PPP1R36: variants seen among roughly 807,000 people sequenced by gnomAD.
PPP1R36 encodes protein phosphatase 1 regulatory subunit 36.
PPP1R36 carries 47 observed loss-of-function variants against 53.4 expected under a neutral mutation model. The ratio of observed to expected loss-of-function variants is 0.88; its 90% CI spans 0.70 to 1.12. The LOEUF (loss-of-function observed/expected upper bound fraction) is 1.12, where lower values mean the gene tolerates loss of function less well. PPP1R36 is among the 50% of genes most tolerant of loss of function. PPP1R36 has a pLI of 0.00. For missense variants in PPP1R36, 456 were observed against 513.9 expected, an observed-to-expected ratio of 0.89 and a Z score of 1.09; for synonymous variants, 153 against 170.5, an observed-to-expected ratio of 0.90 and a Z score of 0.80.
intron 6 of PPP1R36, 98 bp downstream of exon 6, chr14:64,565,790 C>G: frequency 1.1e-6 from 1 of 934,848 alleles, no homozygotes; most frequent in Non-Finnish European, 1.7e-6. Flanking sequence ...AGAGGAAGAG[C>G]GTGAGGCTGG....
At chr14:64,569,236 G>A (rs970218584) in intron 7 of PPP1R36, among the ~76,000 whole-genome samples, 9 of 152,154 alleles carry the variant, frequency 5.9e-5, no homozygotes, top group African/African-American at 2.2e-4. Context: ...GTGACCTTTT[G>A]CAAGCCATGG....
intron 8 of PPP1R36, among the ~76,000 whole-genome samples, chr14:64,578,439 T>C (rs1034328244): frequency 1.3e-5 from 2 of 152,142 alleles, no homozygotes; most frequent in Non-Finnish European, 2.9e-5. Context: ...AAAATCAGAG[T>C]ACATCATAAA....
chr14:64,563,468 G>C (rs35480008), intron 3 of PPP1R36, among the ~76,000 whole-genome samples: 32,725 of 140,546 alleles, frequency 0.23, 4,193 homozygotes, highest in Non-Finnish European at 0.31. Flanking sequence ...AAAAAAAAAA[G>C]AAAGAAAAGA....
In PPP1R36 at chr14:64,587,244, A is replaced by C. The variant is rs2080440705; in HGVS notation, c.762A>C (p.Gln254His). 6.2e-7 allele frequency: 1 copy of C among 1,613,560 alleles called. No homozygotes were observed. The highest frequency in any genetic ancestry group is 1.3e-5 in the African/African-American group (1 of 74,886). The stretch of plus-strand genomic sequence containing the variant: ...TGGCTTGGATTGTCTTCCGACGTCA[A>C]CACTTGACAGAGATTGAAGAAGAAG... ...TYVAWIVFRR[Q>H]HLTEIEEEVG... The change falls in exon 10 of 12, where the codon CAA becomes CAC. Residue 254 changes from glutamine to histidine, a missense_variant. By Grantham distance (24) the Gln-to-His change is conservative. Coordinates refer to ENST00000298705, the MANE Select transcript of PPP1R36 (RefSeq NM_172365.3).
At chr14:64,588,714 C>T in intron 11 of PPP1R36, 1 of 183,900 alleles carries the variant, frequency 5.4e-6, no homozygotes, top group East Asian at 1.5e-4. Context: ...GCATGAGCCA[C>T]CACGCCCGGC....
At position 64,581,766 on chromosome 14, in the gene PPP1R36, G is replaced by A. The variant is rs866345950; in HGVS notation, c.669-5071G>A. Among the ~76,000 whole-genome samples the A allele has an allele frequency of 9.7e-4, 148 of 152,312 alleles. 1 individual carries two copies. The highest frequency in any genetic ancestry group is 3.4e-3 in the African/African-American group (143 of 41,568). ...GATTTTAGTAGAACCAGCAGTTTGG[G>A]TGCTGTTAATTTAGTGCTTTCATGT... On this transcript the variant is annotated intron_variant, in intron 8 of 11. Coordinates refer to ENST00000298705, the MANE Select transcript of PPP1R36 (RefSeq NM_172365.3).
At chr14:64,563,245 C>T (rs1467904941) in intron 3 of PPP1R36, among the ~76,000 whole-genome samples, 4 of 152,086 alleles carry the variant, frequency 2.6e-5, no homozygotes, top group Non-Finnish European at 4.4e-5. Flanking sequence ...GATCTCAGCT[C>T]ACTGCAGTCT....
chr14:64,573,621 A>G (rs1455171681), intron 7 of PPP1R36, among the ~76,000 whole-genome samples: 1 of 152,154 alleles, frequency 6.6e-6, no homozygotes, highest in Non-Finnish European at 1.5e-5. Context: ...CTATTAAAAA[A>G]GCGAAAATAG....
At chr14:64,571,291 A>G (rs2080301508) in intron 7 of PPP1R36, among the ~76,000 whole-genome samples, 1 of 151,814 alleles carries the variant, frequency 6.6e-6, no homozygotes, top group Non-Finnish European at 1.5e-5. Context: ...ATGCCTGGCT[A>G]ATTTTTTATA....
intron 8 of PPP1R36, among the ~76,000 whole-genome samples, chr14:64,583,306 TAGAC>T (rs2080404527): frequency 2.0e-5 from 3 of 152,016 alleles, no homozygotes; most frequent in Non-Finnish European, 4.4e-5. Context: ...AATACCAAAA[TAGAC>T]AGGAAAACGA....
chr14:64,589,166 G>A lies in PPP1R36; in HGVS notation c.1097G>A (p.Gly366Glu), dbSNP rs757489365. The change falls in exon 12 of 12, where the codon GGG becomes GAG. Residue 366 changes from glycine (G) to glutamate (E), a missense_variant. Gly to Glu is a moderately conservative substitution (Grantham distance 98). Coordinates refer to ENST00000298705, the MANE Select transcript of PPP1R36 (RefSeq NM_172365.3). ...TCTTTTCACAGAGTTGGCATCTTGG[G>A]GGAGCCTCGATGTCTATTCAACCCA... ...SVPMPVVGILGEPRCLFNPHT... is the reference protein window; with the variant it reads ...SVPMPVVGILEEPRCLFNPHT... 11 of 1,610,608 alleles carry A rather than the reference G, an allele frequency of 6.8e-6. No homozygotes were observed. The highest frequency in any genetic ancestry group is 1.7e-5 in the Admixed American group (1 of 58,878).
intron 8 of PPP1R36, among the ~76,000 whole-genome samples, chr14:64,584,236 A>T (rs1172608850): frequency 6.6e-6 from 1 of 152,170 alleles, no homozygotes; most frequent in Admixed American, 6.5e-5. Context: ...AAAAGAACCC[A>T]GAAAGAAAAG....
chr14:64,555,798 C>T (rs1273263966), intron 3 of PPP1R36, among the ~76,000 whole-genome samples: 1 of 152,152 alleles, frequency 6.6e-6, no homozygotes, highest in Non-Finnish European at 1.5e-5. Flanking sequence ...TAACTGTTAA[C>T]ATCTTGTGGT....
At chr14:64,582,932 C>T (rs371705270) in intron 8 of PPP1R36, among the ~76,000 whole-genome samples, 3 of 150,370 alleles carry the variant, frequency 2.0e-5, no homozygotes, top group East Asian at 3.9e-4. Context: ...CACTTTGCCA[C>T]CCAGGCTAGA....
intron 3 of PPP1R36, among the ~76,000 whole-genome samples, chr14:64,556,658 C>T (rs962125626): frequency 6.8e-5 from 10 of 147,600 alleles, no homozygotes; most frequent in African/African-American, 2.3e-4. Flanking sequence ...CCTGTAGTCC[C>T]AGCTACTTGG....
intron 3 of PPP1R36, among the ~76,000 whole-genome samples, chr14:64,554,155 T>TG (rs1475139893): frequency 2.1e-5 from 3 of 143,748 alleles, no homozygotes; most frequent in African/African-American, 7.9e-5. Context: ...TTTTTTTTTT[T>TG]TTTTTTTTTT....
chr14:64,558,640 T>TC (rs533592759), intron 3 of PPP1R36, among the ~76,000 whole-genome samples: 1 of 94,576 alleles, frequency 1.1e-5, no homozygotes, highest in African/African-American at 3.4e-5. Context: ...TTGTTTTGTC[T>TC]TTTTTTTTTT....
chr14:64,550,390 C>A, intron 1 of PPP1R36: 1 of 725,066 alleles, frequency 1.4e-6, no homozygotes, highest in Non-Finnish European at 1.9e-6. Flanking sequence ...GATAGAAAGG[C>A]TGGTGGGTGC....
intron 7 of PPP1R36, among the ~76,000 whole-genome samples, 159 bp from the exon 8 acceptor site, chr14:64,574,296 A>G (rs2080325845): frequency 6.6e-6 from 1 of 152,220 alleles, no homozygotes; most frequent in Non-Finnish European, 1.5e-5. Context: ...TTGAGGCTGC[A>G]GTGAGCTGTG....
Sources: allele counts gnomAD v4.1 joint callset (sites outside exome capture counted in the v4.1 genomes callset), GRCh38; gene constraint gnomAD v4.1.1; transcripts MANE v1.5; gene names NCBI Gene and HGNC (gene_info 2026-07-23, HGNC 2026-07-21).